Variants in CCT6B observed in about 807,000 individuals in gnomAD.
CCT6B encodes the protein chaperonin containing TCP1 subunit 6B.
In CCT6B, 49 loss-of-function variants were observed where a neutral mutation model predicts 61.5. That is an observed-to-expected ratio of 0.80 (90% CI 0.63 to 1.01). The LOEUF (loss-of-function observed/expected upper bound fraction) is 1.01. Ranked by LOEUF, CCT6B falls within the 50% of genes least tolerant of loss-of-function variation. CCT6B has a pLI of 0.00. For missense variants in CCT6B, 666 were observed against 634.7 expected (o/e 1.05, Z -0.53); for synonymous variants, 228 against 214.5 (o/e 1.06, Z -0.55).
intron 10 of CCT6B, among the ~76,000 whole-genome samples, chr17:34,938,559 A>G (rs889769209): frequency 6.6e-6 from 1 of 152,042 alleles, no homozygotes; most frequent in Non-Finnish European, 1.5e-5. Flanking sequence ...CTGTCTTGAG[A>G]AAAATATATA....
chr17:34,961,401 C>A lies in CCT6B; in HGVS notation c.-8G>T, dbSNP rs2090416485. On this transcript the variant is annotated 5_prime_UTR_variant, in exon 1 of 14. Coordinates refer to ENST00000314144, the MANE Select transcript of CCT6B (RefSeq NM_006584.4). ...GGCCTTTATCGCAGCCATAGCCTAA[C>A]CGTTCAGAGGGAGAAAAAAAAAAAG... 1 of 1,593,214 alleles carries A rather than the reference C, an allele frequency of 6.3e-7. No individual in the cohort carries two copies. The highest frequency in any genetic ancestry group is 8.5e-7 in the Non-Finnish European group (1 of 1,173,962).
chr17:34,947,966 A>G (rs1364987969), intron 5 of CCT6B, among the ~76,000 whole-genome samples: 1 of 147,792 alleles, frequency 6.8e-6, no homozygotes, highest in African/African-American at 2.5e-5. Context: ...ACAGAGTGAC[A>G]CTCCGTCTCA....
Position 34,958,697 on chromosome 17 carries a change from G to A in CCT6B, c.202-3C>T, listed in dbSNP as rs1007812628. On this transcript the variant is annotated splice_polypyrimidine_tract_variant and splice_region_variant and intron_variant, in intron 2 of 13. Transcript: ENST00000314144. ...GAAGCTGTTGGATGTTGAATTTGCT[G>A]GAAAAAGCAAGCAACAGATTTAAAA... 6.3e-7 allele frequency: 1 copy of A among 1,586,502 alleles called. No homozygotes were observed. Among genetic ancestry groups the A allele is most frequent in the African/African-American group, 1.4e-5 (1 of 73,892 alleles).
At chr17:34,931,438 C>A (rs1361797002) in intron 11 of CCT6B, among the ~76,000 whole-genome samples, 1 of 152,146 alleles carries the variant, frequency 6.6e-6, no homozygotes, top group Non-Finnish European at 1.5e-5. Flanking sequence ...TTCATAGGCA[C>A]TTGCTAAGGA....
In CCT6B at chr17:34,939,210, G is replaced by A. The variant is rs755333614; in HGVS notation, c.1186C>T (p.Arg396Cys). The stretch of plus-strand genomic sequence containing the variant: ...TCTTCAATGGCATTTTTGATAGCAC[G>A]AAGTCCATCTCTTATGGCATCCTTG... ...QVKDAIRDGL[R>C]AIKNAIEDGC... Residue 396 changes from arginine to cysteine, a missense_variant, in exon 10 of 14, where the codon CGT becomes TGT. By Grantham distance (180) the Arg-to-Cys change is radical. Transcript: ENST00000314144. 1.5e-5 allele frequency: 25 copies of A among 1,613,484 alleles called. No individual in the cohort carries two copies. Among genetic ancestry groups the A allele is most frequent in the South Asian group, 5.5e-5 (5 of 91,002 alleles).
At position 34,930,923 on chromosome 17, in the gene CCT6B, C is replaced by T. The variant is rs765900797; in HGVS notation, c.1450+26G>A. 15 of 1,158,832 alleles carry T rather than the reference C, an allele frequency of 1.3e-5. No homozygotes were observed. In the Admixed American group the frequency reaches 1.7e-4, roughly 13 times the overall value. The allele number at this position is 1,158,832 out of a possible 1,614,324, so 71.8% of individuals were successfully genotyped here. A position where few individuals can be genotyped will look rare whatever the true frequency, so the allele number is the denominator to read the frequency against. On this transcript the variant is annotated intron_variant, in intron 12 of 13. Coordinates refer to ENST00000314144, the MANE Select transcript of CCT6B (RefSeq NM_006584.4). The stretch of plus-strand genomic sequence containing the variant: ...ACTAAAGAATAACCTCTTTATTAAG[C>T]AGCTAATTTTCCTTCACTTTCTTAC...
chr17:34,928,120 A>T lies in CCT6B; in HGVS notation c.1524-3T>A, dbSNP rs756642047. The stretch of plus-strand genomic sequence containing the variant: ...GAATGTTGGTGGCAATCACTGTGCT[A>T]AGGAAAAAGATGAGAGGGTGAGTAA... On this transcript the variant is annotated splice_polypyrimidine_tract_variant and splice_region_variant and intron_variant, in intron 13 of 13. Transcript: ENST00000314144. The T allele has an allele frequency of 6.2e-7, 1 of 1,607,310 alleles. No homozygotes were observed. Among genetic ancestry groups the T allele is most frequent in the Non-Finnish European group, 8.5e-7 (1 of 1,175,806 alleles).
intron 3 of CCT6B, 26 bp from the exon 4 acceptor site, chr17:34,954,625 A>G: frequency 6.4e-7 from 1 of 1,555,552 alleles, no homozygotes; most frequent in Non-Finnish European, 8.7e-7. Context: ...AAAATTATAA[A>G]TTATAAAATA....
chr17:34,961,459 G>T lies in CCT6B; in HGVS notation c.-66C>A. 6.4e-7 allele frequency: 1 copy of T among 1,561,672 alleles called. No individual in the cohort carries two copies. Among genetic ancestry groups the T allele is most frequent in the Non-Finnish European group, 8.6e-7 (1 of 1,157,056 alleles). ...CGCGATTCTGAGCAAAAACGGCAAT[G>T]CGACGCCACGCTCTCTTGAGCCTCG... is the stretch of plus-strand genomic sequence containing the variant. On this transcript the variant is annotated 5_prime_UTR_variant, in exon 1 of 14. Coordinates refer to ENST00000314144, the MANE Select transcript of CCT6B (RefSeq NM_006584.4).
chr17:34,948,910 C>A (rs1438595528), intron 5 of CCT6B, among the ~76,000 whole-genome samples: 1 of 151,714 alleles, frequency 6.6e-6, no homozygotes, highest in Non-Finnish European at 1.5e-5. Context: ...TGGCGCATAT[C>A]TGTAGTCCCA....
intron 5 of CCT6B, among the ~76,000 whole-genome samples, chr17:34,950,080 A>C (rs2090273899): frequency 6.6e-6 from 1 of 152,376 alleles, no homozygotes; most frequent in Non-Finnish European, 1.5e-5. Flanking sequence ...AATGTAATTA[A>C]GCTAGGTATC....
intron 5 of CCT6B, among the ~76,000 whole-genome samples, chr17:34,946,900 A>G (rs1192063156): frequency 6.6e-6 from 1 of 152,226 alleles, no homozygotes; most frequent in Non-Finnish European, 1.5e-5. Flanking sequence ...GCTGAAAGGA[A>G]GCAAAAGAGG....
intron 3 of CCT6B, among the ~76,000 whole-genome samples, chr17:34,957,111 TCTTA>T (rs2090355860): frequency 6.7e-6 from 1 of 149,780 alleles, no homozygotes; most frequent in Non-Finnish European, 1.5e-5. Flanking sequence ...GCCCAGCCAG[TCTTA>T]CTTTCTTTTT....
chr17:34,929,202 T>C (rs2090006358), intron 12 of CCT6B, among the ~76,000 whole-genome samples, 168 bp from the exon 13 acceptor site: 1 of 152,212 alleles, frequency 6.6e-6, no homozygotes, highest in South Asian at 2.1e-4. Flanking sequence ...CATCTACCAG[T>C]ATTTAACACA....
At chr17:34,949,675 A>G (rs1343335963) in intron 5 of CCT6B, 1 of 152,188 alleles carries the variant, frequency 6.6e-6, no homozygotes, top group Non-Finnish European at 1.5e-5. Context: ...ATATCAGTAC[A>G]AAAGTTCAAT....
rs2089986206 is a variant in CCT6B, at chr17:34,927,936, T to C, written c.*112A>G. ...TGAGACTATTAAGACCCAAAAGACATAAACTGCATTTATTGTGTAGAAATT... is the reference window on the plus strand; with the variant it reads ...TGAGACTATTAAGACCCAAAAGACACAAACTGCATTTATTGTGTAGAAATT... On this transcript the variant is annotated 3_prime_UTR_variant, in exon 14 of 14. Transcript: ENST00000314144. 1 of 651,626 alleles carries C rather than the reference T, an allele frequency of 1.5e-6. No individual in the cohort carries two copies. Among genetic ancestry groups the C allele is most frequent in the South Asian group, 2.5e-5 (1 of 39,908 alleles). The allele number at this position is 651,626 out of a possible 1,614,324, so 40.4% of individuals were successfully genotyped here.
At chr17:34,949,667 A>G (rs373339758) in intron 5 of CCT6B, 6 of 152,200 alleles carry the variant, frequency 3.9e-5, no homozygotes, top group African/African-American at 1.4e-4. Context: ...GTCACTTCAT[A>G]TCAGTACAAA....
chr17:34,956,465 C>T (rs1052924984), intron 3 of CCT6B, among the ~76,000 whole-genome samples: 8 of 152,094 alleles, frequency 5.3e-5, no homozygotes, highest in African/African-American at 1.9e-4. Context: ...ATACTGTGCC[C>T]GGCTCTATCA....
chr17:34,938,985 G>A (rs2142147376), intron 10 of CCT6B, among the ~76,000 whole-genome samples, 198 bp downstream of exon 10: 1 of 152,282 alleles, frequency 6.6e-6, no homozygotes, highest in East Asian at 1.9e-4. Context: ...TTGGGAGGCT[G>A]AGGCAGAAGA....
Sources: gnomAD v4.1 joint callset for allele counts (sites outside exome capture counted in the v4.1 genomes callset) on GRCh38, gnomAD v4.1.1 for gene constraint, MANE v1.5 for transcripts, NCBI Gene and HGNC (gene_info 2026-07-23, HGNC 2026-07-21) for gene names.